The following USP24 variants were observed in gnomAD, a reference collection of about 807,000 sequenced individuals.
The protein encoded by USP24 is ubiquitin carboxyl-terminal hydrolase 24.
A neutral mutation model predicts 361.6 loss-of-function variants in USP24; 97 were observed. The ratio of observed to expected loss-of-function variants is 0.27; its 90% CI spans 0.23 to 0.32. The LOEUF (loss-of-function observed/expected upper bound fraction) is 0.32, where lower values mean the gene tolerates loss of function less well. Among genes scored for constraint, USP24 ranks in the 10% least tolerant of loss-of-function variants. The pLI, the probability that USP24 is intolerant of heterozygous loss-of-function variation, is 1.00. For synonymous variants in USP24, 1,098 were observed against 1,124.6 expected, an observed-to-expected ratio of 0.98 and a Z score of 0.47; for missense variants, 2,353 against 3,165.6, an observed-to-expected ratio of 0.74 and a Z score of 6.16.
chr1:55,172,276 C>G, intron 4 of USP24, 101 bp downstream of exon 4: 1 of 1,136,400 alleles, frequency 8.8e-7, no homozygotes, highest in Non-Finnish European at 1.2e-6. Context: ...ATATCCTTAA[C>G]GATAAAATTA....
In USP24 at chr1:55,215,219, GC is replaced by G. The variant is rs1438556093; in HGVS notation, c.-107del. On this transcript the variant is annotated 5_prime_UTR_variant, in exon 1 of 68. Coordinates refer to ENST00000294383, the MANE Select transcript of USP24 (RefSeq NM_015306.3). ...CCGCGCCGCCTCCGCGCCCAGGTTG[GC>G]CCCTGCGTTCCTGCCCCGGGTGCTC... is the stretch of plus-strand genomic sequence containing the variant. 3.1e-6 allele frequency: 3 copies of G among 978,852 alleles called. No individual in the cohort carries two copies. The highest frequency in any genetic ancestry group is 9.2e-5 in the Admixed American group (2 of 21,796). The allele number at this position is 978,852 out of a possible 1,614,324, so 60.6% of individuals were successfully genotyped here.
chr1:55,145,121 G>A (rs1318636019), intron 20 of USP24, among the ~76,000 whole-genome samples: 1 of 152,132 alleles, frequency 6.6e-6, no homozygotes, highest in African/African-American at 2.4e-5. Context: ...GTTCCTGAAA[G>A]GTTAATTATA....
intron 49 of USP24, 107 bp downstream of exon 49, chr1:55,096,845 T>C: frequency 7.0e-7 from 1 of 1,428,918 alleles, no homozygotes; most frequent in South Asian, 1.4e-5. Context: ...TGAAACACAG[T>C]CAAGAACAAT....
At chr1:55,098,963 C>T (rs1332587961) in intron 45 of USP24, among the ~76,000 whole-genome samples, 1 of 152,156 alleles carries the variant, frequency 6.6e-6, no homozygotes, top group African/African-American at 2.4e-5. Context: ...GCAGTGACAG[C>T]GGGATCTGAG....
At chr1:55,095,707 T>C (rs1442737005) in intron 50 of USP24, among the ~76,000 whole-genome samples, 3 of 152,086 alleles carry the variant, frequency 2.0e-5, no homozygotes, top group Non-Finnish European at 4.4e-5. Flanking sequence ...TGTAAGCAAA[T>C]AGCAAGTGAC....
chr1:55,154,674 C>T lies in USP24; in HGVS notation c.1551G>A (p.Gln517=). 6.2e-7 allele frequency: 1 copy of T among 1,612,640 alleles called. No individual in the cohort carries two copies. Among genetic ancestry groups the T allele is most frequent in the Non-Finnish European group, 8.5e-7 (1 of 1,179,238 alleles). Residue 517 remains glutamine, a synonymous_variant, in exon 13 of 68, where the codon CAG becomes CAA. Transcript: ENST00000294383. ...GCAAGTCTGACTGAACACGTACCTT[C>T]TGAATGAGAACAAACAAATGATTAA... The part of the protein sequence containing the change: ...DQLNHLFVLI[Q]KSWETESDRV...
At chr1:55,115,029 GAACTTAAACA>G (rs1364482842) in intron 38 of USP24, among the ~76,000 whole-genome samples, 1 of 150,938 alleles carries the variant, frequency 6.6e-6, no homozygotes, top group African/African-American at 2.4e-5. Flanking sequence ...ATTCTAAAAA[GAACTTAAACA>G]AACTTACAAG....
rs1341053853 is a variant in USP24, at chr1:55,214,771, T to A, written c.324+19A>T. 234 of 1,214,882 alleles carry A rather than the reference T, an allele frequency of 1.9e-4. 1 individual carries two copies. The highest frequency in any genetic ancestry group is 1.6e-5 in the African/African-American group (1 of 63,152). 75.3% of individuals were successfully genotyped at this position (1,214,882 alleles called of 1,614,324 possible). On this transcript the variant is annotated intron_variant, in intron 1 of 67. Coordinates refer to ENST00000294383, the MANE Select transcript of USP24 (RefSeq NM_015306.3). ...AGCCCAGTGGCTTCCCACAGAGGTC[T>A]GGGGTTGCCCCTCCTCACCTCCGCG...
At chr1:55,084,878 C>A (rs1393998049) in intron 56 of USP24, among the ~76,000 whole-genome samples, 1 of 152,178 alleles carries the variant, frequency 6.6e-6, no homozygotes, top group Non-Finnish European at 1.5e-5. Flanking sequence ...TATGCTACGG[C>A]CTGACCCCAT....
At chr1:55,106,084 T>C in intron 41 of USP24, 62 bp downstream of exon 41, 3 of 1,286,290 alleles carry the variant, frequency 2.3e-6, no homozygotes, top group Non-Finnish European at 2.2e-6. Flanking sequence ...CAAAATCTTT[T>C]GGGACTGAAG....
At chr1:55,074,635 A>AAAAT (rs143014800) in intron 63 of USP24, among the ~76,000 whole-genome samples, 13,583 of 138,782 alleles carry the variant, frequency 0.098, 702 homozygotes, top group Non-Finnish European at 0.11. Context: ...CCCTGTCTCA[A>AAAAT]AAATAAATAA....
intron 65 of USP24, 93 bp downstream of exon 65, chr1:55,072,693 C>A: frequency 3.3e-6 from 4 of 1,214,556 alleles, no homozygotes; most frequent in Non-Finnish European, 3.5e-6. Flanking sequence ...ACTTTAAGGT[C>A]AGTCTCCATA....
intron 54 of USP24, among the ~76,000 whole-genome samples, chr1:55,090,121 T>C (rs1015489737): frequency 1.3e-5 from 2 of 152,224 alleles, no homozygotes; most frequent in Admixed American, 6.5e-5. Flanking sequence ...ACTTTCAGAA[T>C]AGCTTACATT....
intron 51 of USP24, among the ~76,000 whole-genome samples, chr1:55,094,989 T>G (rs1351141306): frequency 6.6e-6 from 1 of 152,032 alleles, no homozygotes; most frequent in Non-Finnish European, 1.5e-5. Flanking sequence ...GGTGACAGAG[T>G]GAGACCACAC....
At position 55,172,244 on chromosome 1, in the gene USP24, A is replaced by C. The variant is rs1283144146; in HGVS notation, c.702+133T>G. On this transcript the variant is annotated intron_variant, in intron 4 of 67. Transcript: ENST00000294383. ...GATGGTTGCTCTGCTTTTAAAATAA[A>C]GACAAAGGATCCTAACAGCTAATAT... 7 of 909,064 alleles carry C rather than the reference A, an allele frequency of 7.7e-6. No individual in the cohort carries two copies. In the East Asian group the frequency reaches 1.9e-4, roughly 24 times the overall value. 56.3% of individuals were successfully genotyped at this position (909,064 alleles called of 1,614,324 possible).
chr1:55,204,100 C>G (rs1209388225), intron 1 of USP24, among the ~76,000 whole-genome samples: 10 of 152,126 alleles, frequency 6.6e-5, no homozygotes, highest in South Asian at 6.2e-4. Context: ...ACCACAAAAG[C>G]AAAATACTTA....
chr1:55,079,754 C>G, intron 59 of USP24, 95 bp from the exon 60 acceptor site: 1 of 1,191,618 alleles, frequency 8.4e-7, no homozygotes, highest in South Asian at 1.8e-5. Context: ...CTTCAAGACT[C>G]GCACACACAC....
chr1:55,130,381 G>C (rs894950749), intron 31 of USP24, among the ~76,000 whole-genome samples: 3 of 152,130 alleles, frequency 2.0e-5, no homozygotes, highest in African/African-American at 7.2e-5. Context: ...CAAGCTTTAA[G>C]GTGCTTAGTA....
At chr1:55,145,114 C>G (rs1002919005) in intron 20 of USP24, among the ~76,000 whole-genome samples, 27 of 152,222 alleles carry the variant, frequency 1.8e-4, no homozygotes, top group Admixed American at 5.2e-4. Flanking sequence ...ACAGACAGTT[C>G]CTGAAAGGTT....
Sources: allele counts gnomAD v4.1 joint callset (sites outside exome capture counted in the v4.1 genomes callset), GRCh38; gene constraint gnomAD v4.1.1; transcripts MANE v1.5; gene names NCBI Gene and HGNC (gene_info 2026-07-23, HGNC 2026-07-21).